The following DUSP4 variants were observed in gnomAD, a reference collection of about 807,000 sequenced individuals.
DUSP4 encodes the protein dual specificity phosphatase 4.
Under a neutral mutation model 27.2 loss-of-function variants are expected in DUSP4, and 12 were observed. The ratio of observed to expected loss-of-function variants is 0.44; its 90% CI spans 0.28 to 0.71. The LOEUF (loss-of-function observed/expected upper bound fraction) is 0.71. Ranked by LOEUF, DUSP4 falls within the 30% of genes least tolerant of loss-of-function variation. The probability of loss-of-function intolerance (pLI) is 0.14; values close to 1 mark genes in which losing one functional copy is unlikely to be tolerated. For missense variants in DUSP4, 448 were observed against 551.3 expected, an observed-to-expected ratio of 0.81 and a Z score of 1.88; for synonymous variants, 257 against 245.2, an observed-to-expected ratio of 1.05 and a Z score of -0.45.
chr8:29,337,013 C>A lies in DUSP4; in HGVS notation c.*13G>T, dbSNP rs1208459774. ...TGGGAGCCAGCTCTGGTTCTGGGGCCCCCAGGGCGGCTCTAACAGCTGGGA... is the reference window on the plus strand; with the variant it reads ...TGGGAGCCAGCTCTGGTTCTGGGGCACCCAGGGCGGCTCTAACAGCTGGGA... On this transcript the variant is annotated 3_prime_UTR_variant, in exon 4 of 4. Transcript: ENST00000240100. The surrounding 1 kb of genome is among the most constrained non-coding windows in gnomAD (Gnocchi z 6.4). 1 of 1,577,560 alleles carries A rather than the reference C, an allele frequency of 6.3e-7. No individual in the cohort carries two copies. The highest frequency in any genetic ancestry group is 1.2e-5 in the South Asian group (1 of 85,098).
At chr8:29,338,531 A>G in intron 2 of DUSP4, 30 bp from the exon 3 acceptor site, 1 of 1,601,658 alleles carries the variant, frequency 6.2e-7, no homozygotes, top group Non-Finnish European at 8.5e-7. Context: ...AAGGCCCCTG[A>G]ATGACATGAG....
At chr8:29,342,869 C>A (rs1817674191) in intron 1 of DUSP4, among the ~76,000 whole-genome samples, 1 of 152,118 alleles carries the variant, frequency 6.6e-6, no homozygotes, top group African/African-American at 2.4e-5. Context: ...AAAGAACAAG[C>A]AAAAATGAAC....
At chr8:29,339,903 C>A (rs1348983494) in intron 2 of DUSP4, among the ~76,000 whole-genome samples, 195 bp downstream of exon 2, 2 of 150,876 alleles carry the variant, frequency 1.3e-5, no homozygotes, top group African/African-American at 4.9e-5. Flanking sequence ...GTCCCAGCTA[C>A]CAGGGAGGAT....
intron 1 of DUSP4, among the ~76,000 whole-genome samples, chr8:29,342,842 C>T (rs1348809371): frequency 2.0e-5 from 3 of 152,178 alleles, no homozygotes; most frequent in African/African-American, 7.2e-5. Flanking sequence ...AAAGTCAGTT[C>T]CCTCTGAGGG....
At position 29,345,558 on chromosome 8, in the gene DUSP4, G is replaced by A. The variant is rs577523969; in HGVS notation, c.433+4288C>T. On this transcript the variant is annotated intron_variant, in intron 1 of 3. Transcript: ENST00000240100. ...GCTTCCTCTTCGTTAGCCAGGAACT[G>A]CCTCCCGGTAAGGAAATCGGCTCTC... is the stretch of plus-strand genomic sequence containing the variant. 3.3e-6 allele frequency: 5 copies of A among 1,529,294 alleles called. No individual in the cohort carries two copies. In the South Asian group the frequency reaches 6.3e-5, roughly 19 times the overall value. 94.7% of individuals were successfully genotyped at this position (1,529,294 alleles called of 1,614,324 possible).
chr8:29,349,611 G>A (rs764656716), intron 1 of DUSP4, among the ~76,000 whole-genome samples: 43 of 152,206 alleles, frequency 2.8e-4, no homozygotes. Context: ...TCGCTAGGAC[G>A]GTGCGGAATT....
rs1817600443 is a variant in DUSP4 at position 29,337,772 on chromosome 8, A to G, written c.800-361T>C. On this transcript the variant is annotated intron_variant, in intron 3 of 3. Coordinates refer to ENST00000240100, the MANE Select transcript of DUSP4 (RefSeq NM_001394.7). The surrounding 1 kb of genome is among the most constrained non-coding windows in gnomAD (Gnocchi z 6.4). The stretch of plus-strand genomic sequence containing the variant: ...GGAGTTCAAGACTAGCCTGGGCAAT[A>G]TGATGAAACTGTCTCTACAAAAATA... Among the ~76,000 whole-genome samples, 1 of 152,062 alleles carries G rather than the reference A, an allele frequency of 6.6e-6. No homozygotes were observed. Among genetic ancestry groups the G allele is most frequent in the Non-Finnish European group, 1.5e-5 (1 of 68,020 alleles).
At chr8:29,345,402 C>T in intron 1 of DUSP4, 2 of 1,613,800 alleles carry the variant, frequency 1.2e-6, no homozygotes, top group Non-Finnish European at 1.7e-6. Flanking sequence ...CCTGGACCTT[C>T]CTGCCAGCTG....
chr8:29,337,002 G>A lies in DUSP4; in HGVS notation c.*24C>T. ...CCTACCCTTGCTGGGAGCCAGCTCTGGTTCTGGGGCCCCCAGGGCGGCTCT... is the reference window on the plus strand; with the variant it reads ...CCTACCCTTGCTGGGAGCCAGCTCTAGTTCTGGGGCCCCCAGGGCGGCTCT... On this transcript the variant is annotated 3_prime_UTR_variant, in exon 4 of 4. Coordinates refer to ENST00000240100, the MANE Select transcript of DUSP4 (RefSeq NM_001394.7). The surrounding 1 kb of genome is among the most constrained non-coding windows in gnomAD (Gnocchi z 6.4). The A allele has an allele frequency of 6.4e-7, 1 of 1,562,080 alleles. No homozygotes were observed. Among genetic ancestry groups the A allele is most frequent in the Non-Finnish European group, 8.7e-7 (1 of 1,155,218 alleles).
intron 1 of DUSP4, among the ~76,000 whole-genome samples, chr8:29,342,334 T>G (rs1817667128): frequency 6.6e-6 from 1 of 152,104 alleles, no homozygotes; most frequent in African/African-American, 2.4e-5. Flanking sequence ...AGCCTCCTCC[T>G]CGTCTGTAAG....
At chr8:29,340,750 C>T (rs150933799) in intron 1 of DUSP4, among the ~76,000 whole-genome samples, 1 of 152,132 alleles carries the variant, frequency 6.6e-6, no homozygotes, top group African/African-American at 2.4e-5. Context: ...CATTGCACGT[C>T]CTCATGAATA....
chr8:29,338,268 C>G lies in DUSP4; in HGVS notation c.799+14G>C, dbSNP rs1587044181. ...GCCCTCAAACCCAGGAACCCCAGAGCAGGGCCAGCCTACCGATGTACTCTA... is the reference window on the plus strand; with the variant it reads ...GCCCTCAAACCCAGGAACCCCAGAGGAGGGCCAGCCTACCGATGTACTCTA... On this transcript the variant is annotated intron_variant, in intron 3 of 3. Transcript: ENST00000240100. The G allele has an allele frequency of 1.2e-6, 2 of 1,613,748 alleles. No individual in the cohort carries two copies. The highest frequency in any genetic ancestry group is 2.2e-5 in the South Asian group (2 of 91,082).
At position 29,343,124 on chromosome 8, in the gene DUSP4, C is replaced by T. The variant is rs1249499256; in HGVS notation, c.434-2881G>A. Among the ~76,000 whole-genome samples the T allele has an allele frequency of 4.1e-5, 6 of 148,000 alleles. No homozygotes were observed. In the East Asian group the frequency reaches 5.9e-4, roughly 15 times the overall value. On this transcript the variant is annotated intron_variant, in intron 1 of 3. Transcript: ENST00000240100. ...CGGAGGTTGCAGTGAGCCGAGATCG[C>T]GCCACTGCATTCCAGCCTGGGCGTC... is the stretch of plus-strand genomic sequence containing the variant.
rs139231045 is a variant in DUSP4, at chr8:29,339,247, C to T, written c.580-746G>A. ...ACACAGACAAGAGAGAGGATCTTGGCAAAATGAGGCAACAGTGGCTTAAAT... is the reference window on the plus strand; with the variant it reads ...ACACAGACAAGAGAGAGGATCTTGGTAAAATGAGGCAACAGTGGCTTAAAT... On this transcript the variant is annotated intron_variant, in intron 2 of 3. Transcript: ENST00000240100. Among the ~76,000 whole-genome samples the T allele has an allele frequency of 2.3e-3, 355 of 152,250 alleles. 6 individuals are homozygous for T. Among genetic ancestry groups the T allele is most frequent in the African/African-American group, 8.3e-3 (343 of 41,526 alleles).
At chr8:29,349,197 C>G (rs1034527119) in intron 1 of DUSP4, among the ~76,000 whole-genome samples, 1 of 152,254 alleles carries the variant, frequency 6.6e-6, no homozygotes, top group African/African-American at 2.4e-5. Context: ...CCCCCAGATA[C>G]CCAGTCCTTC....
At chr8:29,347,037 A>G (rs757108760) in intron 1 of DUSP4, among the ~76,000 whole-genome samples, 66 of 152,170 alleles carry the variant, frequency 4.3e-4, no homozygotes, top group Non-Finnish European at 8.4e-4. Flanking sequence ...ACATACATAC[A>G]TTCCCTCGCT....
Position 29,340,221 on chromosome 8 carries a change from G to A in DUSP4, c.456C>T (p.Ser152=), listed in dbSNP as rs375594574. 39 of 1,612,536 alleles carry A rather than the reference G, an allele frequency of 2.4e-5. No homozygotes were observed. Among genetic ancestry groups the A allele is most frequent in the African/African-American group, 1.7e-4 (13 of 74,834 alleles). ...LLKGGYERFS[S]EYPEFCSKTK... Reference sequence around the variant, plus strand: ...TTTTAGAACAGAATTCTGGGTACTCGGAGGAAAACCTCTCATAGCCGCCTG... The same window carrying A: ...TTTTAGAACAGAATTCTGGGTACTCAGAGGAAAACCTCTCATAGCCGCCTG... The change falls in exon 2 of 4, where the codon TCC becomes TCT. Residue 152 remains serine, a synonymous_variant. Transcript: ENST00000240100.
Position 29,335,145 on chromosome 8 carries a change from T to G in DUSP4, c.*1881A>C, listed in dbSNP as rs1458820863. 1 of 152,160 alleles carries G rather than the reference T, an allele frequency of 6.6e-6. No individual in the cohort carries two copies. Among genetic ancestry groups the G allele is most frequent in the Non-Finnish European group, 1.5e-5 (1 of 68,024 alleles). 9.4% of individuals were successfully genotyped at this position (152,160 alleles called of 1,614,324 possible). ...TTTGCAACAACCTCTAAGCTGGCAC[T>G]CCATAACAAGACTGTTCCACAATAC... is the stretch of plus-strand genomic sequence containing the variant. On this transcript the variant is annotated 3_prime_UTR_variant, in exon 4 of 4. Coordinates refer to ENST00000240100, the MANE Select transcript of DUSP4 (RefSeq NM_001394.7).
intron 2 of DUSP4, 44 bp downstream of exon 2, chr8:29,340,054 G>GCTGTTCCTGCCCCCCACTTCCAAGCC: frequency 1.3e-6 from 2 of 1,545,632 alleles, no homozygotes; most frequent in Non-Finnish European, 1.7e-6. Context: ...TGGCCCCTAC[G>GCTGTTCCTGCCCCCCACTTCCAAGCC]CTGTTCCTGC....
Sources: gnomAD v4.1 joint callset for allele counts (sites outside exome capture counted in the v4.1 genomes callset) on GRCh38, gnomAD v4.1.1 for gene constraint, Gnocchi (gnomAD v3.1) non-coding constraint, MANE v1.5 for transcripts, NCBI Gene and HGNC (gene_info 2026-07-23, HGNC 2026-07-21) for gene names.